SCAI: variants seen among roughly 807,000 people sequenced by gnomAD.
The protein encoded by SCAI is suppressor of cancer cell invasion.
A neutral mutation model predicts 92.2 loss-of-function variants in SCAI; 24 were observed. The observed-to-expected ratio is 0.26, with a 90% CI of 0.19 to 0.37. The LOEUF is 0.37. Ranked by LOEUF, SCAI falls within the 10% of genes least tolerant of loss-of-function variation. The pLI is 1.00. For missense variants in SCAI, 450 were observed against 736.2 expected, an observed-to-expected ratio of 0.61 and a Z score of 4.50; for synonymous variants, 261 against 258.6, an observed-to-expected ratio of 1.01 and a Z score of -0.09.
chr9:124,963,261 C>T (rs1187216395), intron 17 of SCAI, among the ~76,000 whole-genome samples: 4 of 150,880 alleles, frequency 2.7e-5, no homozygotes, highest in South Asian at 2.1e-4. Flanking sequence ...CTCAGCCTCC[C>T]GAGCAGCTGG....
intron 2 of SCAI, among the ~76,000 whole-genome samples, chr9:125,066,407 G>A (rs1230555968): frequency 6.6e-6 from 1 of 151,944 alleles, no homozygotes; most frequent in Non-Finnish European, 1.5e-5. Context: ...TCCATTCATG[G>A]TAAGTGCCCT....
intron 2 of SCAI, among the ~76,000 whole-genome samples, chr9:125,119,805 TGCTTTTAGGACA>T (rs1272756209): frequency 6.6e-6 from 1 of 152,228 alleles, no homozygotes; most frequent in East Asian, 1.9e-4. Flanking sequence ...GATTAGGATC[TGCTTTTAGGACA>T]GCTCACTCAC....
chr9:124,985,697 G>A (rs1190044870), intron 14 of SCAI, among the ~76,000 whole-genome samples: 2 of 151,768 alleles, frequency 1.3e-5, no homozygotes, highest in African/African-American at 4.8e-5. Context: ...GAGAAACCCC[G>A]TCTCTACTAA....
At chr9:125,120,179 G>A (rs571670051) in intron 2 of SCAI, among the ~76,000 whole-genome samples, 3 of 152,224 alleles carry the variant, frequency 2.0e-5, no homozygotes, top group African/African-American at 7.2e-5. Flanking sequence ...GACACATTTG[G>A]CAAATACAAT....
intron 3 of SCAI, among the ~76,000 whole-genome samples, chr9:125,030,196 T>A (rs865933992): frequency 6.6e-6 from 1 of 152,362 alleles, no homozygotes; most frequent in Middle Eastern, 3.4e-3. Context: ...TACATCCCTG[T>A]CCTTGAACCT....
At chr9:125,111,740 A>G (rs561186915) in intron 2 of SCAI, among the ~76,000 whole-genome samples, 38 of 152,112 alleles carry the variant, frequency 2.5e-4, no homozygotes, top group Non-Finnish European at 4.1e-4. Flanking sequence ...TCTGAGGACA[A>G]AAGAAGGGAG....
chr9:125,058,472 G>A (rs1833713875), intron 2 of SCAI, among the ~76,000 whole-genome samples: 1 of 151,764 alleles, frequency 6.6e-6, no homozygotes, highest in Non-Finnish European at 1.5e-5. Flanking sequence ...CTGAGATCAT[G>A]CCACTGTACT....
intron 3 of SCAI, among the ~76,000 whole-genome samples, chr9:125,038,210 T>C (rs1248545394): frequency 6.6e-6 from 1 of 152,072 alleles, no homozygotes; most frequent in African/African-American, 2.4e-5. Context: ...TGAGCCAAGA[T>C]TGCGCCACTG....
intron 2 of SCAI, among the ~76,000 whole-genome samples, chr9:125,122,588 CAAAAAAAAAA>C (rs34757267): frequency 3.0e-4 from 18 of 59,944 alleles, no homozygotes; most frequent in South Asian, 6.8e-4. Flanking sequence ...GACTCCATCT[CAAAAAAAAAA>C]AAAAAAAAAA....
chr9:125,026,517 A>G (rs143639131), intron 6 of SCAI, among the ~76,000 whole-genome samples: 54 of 152,360 alleles, frequency 3.5e-4, no homozygotes, highest in African/African-American at 1.3e-3. Flanking sequence ...GTTATTAGCT[A>G]AGCCTTGTTT....
chr9:124,946,020 C>T lies in SCAI; in HGVS notation c.*6787G>A, dbSNP rs997282329. On this transcript the variant is annotated 3_prime_UTR_variant, in exon 18 of 18. Coordinates refer to ENST00000336505, the MANE Select transcript of SCAI (RefSeq NM_001144877.3). This position sits in a 1 kb window ranked among gnomAD's most constrained non-coding sequence, Gnocchi z 4.0. ...TTCACCCTCAAAGTTATTGGCTTTA[C>T]AACGGTTGGGGTCAGAGGTCACATT... The T allele has an allele frequency of 6.6e-6, 1 of 152,192 alleles. No homozygotes were observed. The highest frequency in any genetic ancestry group is 2.1e-4 in the South Asian group (1 of 4,832). The allele number at this position is 152,192 out of a possible 1,614,324, so 9.4% of individuals were successfully genotyped here.
At chr9:125,130,935 GC>G (rs1835386371) in intron 2 of SCAI, among the ~76,000 whole-genome samples, 4 of 92,738 alleles carry the variant, frequency 4.3e-5, no homozygotes, top group African/African-American at 1.4e-4. Flanking sequence ...GGTTTGAACC[GC>G]TTTTTTTTTT....
chr9:125,102,989 T>C (rs1834709386), intron 2 of SCAI, among the ~76,000 whole-genome samples: 1 of 152,164 alleles, frequency 6.6e-6, no homozygotes, highest in African/African-American at 2.4e-5. Flanking sequence ...ACACCTGCCC[T>C]CTGCTTTTCC....
chr9:125,075,554 C>T (rs35910072), intron 2 of SCAI, among the ~76,000 whole-genome samples: 7,320 of 150,104 alleles, frequency 0.049, 270 homozygotes, highest in Non-Finnish European at 0.069. Flanking sequence ...TGCACCACCA[C>T]GTCCAGCTAA....
At chr9:125,045,002 C>T (rs895523776) in intron 3 of SCAI, among the ~76,000 whole-genome samples, 1 of 152,160 alleles carries the variant, frequency 6.6e-6, no homozygotes, top group East Asian at 1.9e-4. Flanking sequence ...CATGCCCATT[C>T]GCTAACACAC....
At chr9:125,076,087 T>A (rs904155747) in intron 2 of SCAI, among the ~76,000 whole-genome samples, 9 of 152,206 alleles carry the variant, frequency 5.9e-5, no homozygotes, top group Admixed American at 2.0e-4. Flanking sequence ...ACAAACAACA[T>A]GAAAATCATG....
chr9:125,033,595 T>C (rs1833128551), intron 3 of SCAI, among the ~76,000 whole-genome samples: 1 of 152,180 alleles, frequency 6.6e-6, no homozygotes. Flanking sequence ...AAAGTAAAGA[T>C]AATAACTGCT....
chr9:125,125,298 C>T (rs921306732), intron 2 of SCAI, among the ~76,000 whole-genome samples: 4 of 151,992 alleles, frequency 2.6e-5, no homozygotes, highest in Admixed American at 2.0e-4. Flanking sequence ...TTTGAGTGGC[C>T]GAGGTGGGAG....
intron 2 of SCAI, among the ~76,000 whole-genome samples, chr9:125,100,588 T>C (rs1036953588): frequency 1.3e-5 from 2 of 152,196 alleles, no homozygotes; most frequent in Non-Finnish European, 1.5e-5. Flanking sequence ...GGTAACACAG[T>C]AATGAGCAAA....
Sources: gnomAD v4.1 joint callset for allele counts (sites outside exome capture counted in the v4.1 genomes callset) on GRCh38, gnomAD v4.1.1 for gene constraint, Gnocchi (gnomAD v3.1) non-coding constraint, MANE v1.5 for transcripts, NCBI Gene and HGNC (gene_info 2026-07-23, HGNC 2026-07-21) for gene names.